HCN1: variants seen among roughly 807,000 people sequenced by gnomAD.
HCN1 encodes the protein hyperpolarization activated cyclic nucleotide gated potassium channel 1, also known as potassium/sodium hyperpolarization-activated cyclic nucleotide-gated channel 1.
A neutral mutation model predicts 78.9 loss-of-function variants in HCN1; 13 were observed. That is an observed-to-expected ratio of 0.16 (90% CI 0.11 to 0.26). The LOEUF (loss-of-function observed/expected upper bound fraction) is 0.26, where lower values mean the gene tolerates loss of function less well. Ranked by LOEUF, HCN1 falls within the 10% of genes least tolerant of loss-of-function variation. The probability of loss-of-function intolerance (pLI) is 1.00; values close to 1 mark genes in which losing one functional copy is unlikely to be tolerated. For synonymous variants in HCN1, 552 were observed against 455.5 expected, an observed-to-expected ratio of 1.21 and a Z score of -2.70; for missense variants, 810 against 1,154.3, an observed-to-expected ratio of 0.70 and a Z score of 4.32.
At chr5:45,650,018 T>C (rs1178941426) in intron 1 of HCN1, among the ~76,000 whole-genome samples, 1 of 151,736 alleles carries the variant, frequency 6.6e-6, no homozygotes, top group Non-Finnish European at 1.5e-5. Flanking sequence ...AACAAAAGAG[T>C]TGTGTATTTG....
intron 2 of HCN1, among the ~76,000 whole-genome samples, chr5:45,471,702 A>AT (rs1741392501): frequency 6.6e-6 from 1 of 151,942 alleles, no homozygotes; most frequent in African/African-American, 2.4e-5. Context: ...TTGGACTTAT[A>AT]TAACATTGAA....
In HCN1 at chr5:45,679,939, T is replaced by G. The variant is rs533583866; in HGVS notation, c.425+15730A>C. 2.3e-3 allele frequency among the ~76,000 whole-genome samples: 355 copies of G among 152,216 alleles called. 1 individual carries two copies. Among genetic ancestry groups the G allele is most frequent in the Middle Eastern group, 6.8e-3 (2 of 294 alleles). The stretch of plus-strand genomic sequence containing the variant: ...ATAATTAGGGCTGAATACACTGCAC[T>G]ATTAAAATTAAACCAAGCCTCTGGG... On this transcript the variant is annotated intron_variant, in intron 1 of 7. Transcript: ENST00000303230.
intron 2 of HCN1, among the ~76,000 whole-genome samples, chr5:45,525,335 T>C (rs1291486051): frequency 6.6e-6 from 1 of 151,992 alleles, no homozygotes; most frequent in Non-Finnish European, 1.5e-5. Flanking sequence ...GTATTATAGT[T>C]TCTTTGTAAG....
intron 3 of HCN1, among the ~76,000 whole-genome samples, chr5:45,426,834 T>G (rs542856931): frequency 1.3e-5 from 2 of 152,176 alleles, no homozygotes; most frequent in Non-Finnish European, 2.9e-5. Context: ...TCCAATTGCC[T>G]GCTAAACTAA....
intron 2 of HCN1, among the ~76,000 whole-genome samples, chr5:45,476,894 T>G (rs140025946): frequency 4.9e-4 from 74 of 152,280 alleles, no homozygotes; most frequent in African/African-American, 1.5e-3. Context: ...TCAGGCTATG[T>G]GGATAAGGCT....
intron 1 of HCN1, chr5:45,695,142 C>T (rs1038386661): frequency 6.5e-6 from 1 of 154,342 alleles, no homozygotes; most frequent in South Asian, 2.0e-4. Context: ...TAACCAGCGC[C>T]TATAAAGAAA....
chr5:45,311,361 G>C (rs368831156), intron 5 of HCN1, among the ~76,000 whole-genome samples: 2 of 152,000 alleles, frequency 1.3e-5, no homozygotes, highest in African/African-American at 4.8e-5. Flanking sequence ...CTAGCAAAAG[G>C]GTGGATTTCA....
At chr5:45,375,803 CTTAT>C (rs1747625798) in intron 4 of HCN1, among the ~76,000 whole-genome samples, 1 of 112,316 alleles carries the variant, frequency 8.9e-6, no homozygotes, top group Non-Finnish European at 1.7e-5. Context: ...TATGATATAT[CTTAT>C]ATATAATATA....
intron 2 of HCN1, among the ~76,000 whole-genome samples, chr5:45,639,897 C>G (rs1437117950): frequency 6.6e-6 from 1 of 152,090 alleles, no homozygotes; most frequent in Non-Finnish European, 1.5e-5. Context: ...TTGATTAAGT[C>G]CATCATTAGC....
At chr5:45,636,899 T>A (rs942730686) in intron 2 of HCN1, among the ~76,000 whole-genome samples, 3 of 152,154 alleles carry the variant, frequency 2.0e-5, no homozygotes, top group African/African-American at 7.2e-5. Flanking sequence ...GACAGGGCAA[T>A]AAGCACAATA....
At chr5:45,372,152 AATATGT>A (rs1259245025) in intron 4 of HCN1, among the ~76,000 whole-genome samples, 1 of 58,512 alleles carries the variant, frequency 1.7e-5, no homozygotes, top group Non-Finnish European at 2.6e-5. Context: ...TATATTATAT[AATATGT>A]TATTATATAT....
At chr5:45,315,783 C>T (rs1745974043) in intron 5 of HCN1, among the ~76,000 whole-genome samples, 4 of 152,180 alleles carry the variant, frequency 2.6e-5, no homozygotes, top group Non-Finnish European at 5.9e-5. Flanking sequence ...ATACTATAAA[C>T]ACCTCTATGC....
chr5:45,587,908 G>A (rs1265433063), intron 2 of HCN1, among the ~76,000 whole-genome samples: 2 of 151,952 alleles, frequency 1.3e-5, no homozygotes, highest in African/African-American at 4.8e-5. Flanking sequence ...TATTAATGAG[G>A]TCACAGAGAG....
intron 2 of HCN1, among the ~76,000 whole-genome samples, chr5:45,507,890 T>A (rs1333692071): frequency 6.6e-6 from 1 of 152,128 alleles, no homozygotes; most frequent in African/African-American, 2.4e-5. Context: ...TATAATTCCA[T>A]GATAAAAATC....
At position 45,372,795 on chromosome 5, in the gene HCN1, T is replaced by A. The variant is rs115264643; in HGVS notation, c.1231-19549A>T. Among the ~76,000 whole-genome samples the A allele has an allele frequency of 2.6e-3, 365 of 140,108 alleles. 1 individual carries two copies. The highest frequency in any genetic ancestry group is 9.4e-3 in the African/African-American group (346 of 36,946). The allele number at this position is 140,108 out of a possible 152,430, so 91.9% of individuals were successfully genotyped here. ...ATACGTATTCTATACACAAAAATATTTACGTATTCTATACACAAATATATG... is the reference window on the plus strand; with the variant it reads ...ATACGTATTCTATACACAAAAATATATACGTATTCTATACACAAATATATG... On this transcript the variant is annotated intron_variant, in intron 4 of 7. Transcript: ENST00000303230.
At chr5:45,297,882 A>T (rs1480087778) in intron 6 of HCN1, among the ~76,000 whole-genome samples, 1 of 152,064 alleles carries the variant, frequency 6.6e-6, no homozygotes, top group Admixed American at 6.6e-5. Flanking sequence ...TGGCATAGAA[A>T]AACATACATT....
intron 3 of HCN1, among the ~76,000 whole-genome samples, chr5:45,424,248 G>A (rs929357726): frequency 1.3e-5 from 2 of 151,822 alleles, no homozygotes; most frequent in Non-Finnish European, 2.9e-5. Flanking sequence ...GGCAGAGATC[G>A]CACCACTGCA....
chr5:45,401,494 T>C (rs1739803378), intron 3 of HCN1, among the ~76,000 whole-genome samples: 1 of 152,120 alleles, frequency 6.6e-6, no homozygotes, highest in Admixed American at 6.6e-5. Context: ...TTCAATTAGT[T>C]TATGTAGGAA....
chr5:45,419,788 C>T (rs1043103498), intron 3 of HCN1, among the ~76,000 whole-genome samples: 1 of 152,180 alleles, frequency 6.6e-6, no homozygotes, highest in Non-Finnish European at 1.5e-5. Flanking sequence ...ACATTACTTT[C>T]TTTTCTGGGT....
Sources: gnomAD v4.1 joint callset for allele counts (sites outside exome capture counted in the v4.1 genomes callset) on GRCh38, gnomAD v4.1.1 for gene constraint, MANE v1.5 for transcripts, NCBI Gene and HGNC (gene_info 2026-07-23, HGNC 2026-07-21) for gene names.